The following ADAMTS17 variants were observed in gnomAD, a reference collection of about 807,000 sequenced individuals.
ADAMTS17 encodes the protein A disintegrin and metalloproteinase with thrombospondin motifs 17.
A neutral mutation model predicts 141.5 loss-of-function variants in ADAMTS17; 113 were observed. The ratio of observed to expected loss-of-function variants is 0.80; its 90% confidence interval spans 0.69 to 0.93. ADAMTS17 has a LOEUF of 0.93. Ranked by LOEUF, ADAMTS17 falls within the 40% of genes least tolerant of loss-of-function variation. ADAMTS17 has a pLI of 0.00. For missense variants in ADAMTS17, 1,659 were observed against 1,517.9 expected (o/e 1.09, Z -1.54); for synonymous variants, 768 against 630.6 (o/e 1.22, Z -3.27).
intron 15 of ADAMTS17, among the ~76,000 whole-genome samples, chr15:100,079,418 A>G (rs2034588053): frequency 6.6e-6 from 1 of 152,228 alleles, no homozygotes; most frequent in African/African-American, 2.4e-5. Context: ...TGAAAATACT[A>G]TGCTAAGGGA....
At chr15:100,188,079 C>T (rs2040784536) in intron 8 of ADAMTS17, among the ~76,000 whole-genome samples, 1 of 147,614 alleles carries the variant, frequency 6.8e-6, no homozygotes, top group Non-Finnish European at 1.5e-5. Flanking sequence ...GCGAGGTCCT[C>T]TTTTTTTTTT....
intron 4 of ADAMTS17, among the ~76,000 whole-genome samples, chr15:100,278,664 G>C (rs990881436): frequency 6.6e-6 from 1 of 152,184 alleles, no homozygotes. Context: ...GCAGAGAGAG[G>C]CATGTCCCGA....
intron 7 of ADAMTS17, 31 bp downstream of exon 7, chr15:100,254,105 C>A (rs1223422995): frequency 2.5e-6 from 4 of 1,604,684 alleles, no homozygotes; most frequent in Non-Finnish European, 3.4e-6. Context: ...TGTATCAGCC[C>A]CTTAGATTAT....
chr15:100,114,672 C>G (rs1006118058), intron 13 of ADAMTS17, among the ~76,000 whole-genome samples: 3 of 152,166 alleles, frequency 2.0e-5, no homozygotes, highest in Non-Finnish European at 4.4e-5. Flanking sequence ...GGCGGTGGCA[C>G]TCTAGTGACA....
At chr15:100,045,082 C>T (rs1268884610) in intron 18 of ADAMTS17, among the ~76,000 whole-genome samples, 1 of 152,108 alleles carries the variant, frequency 6.6e-6, no homozygotes, top group Admixed American at 6.6e-5. Flanking sequence ...GGTGGGATTA[C>T]AGGTATGAGC....
intron 15 of ADAMTS17, among the ~76,000 whole-genome samples, chr15:100,091,236 C>A (rs1023527407): frequency 1.3e-5 from 2 of 151,828 alleles, no homozygotes; most frequent in East Asian, 1.9e-4. Context: ...AGGCCAGATA[C>A]CCCCGATGTG....
chr15:100,067,000 T>C (rs1314142048), intron 15 of ADAMTS17, among the ~76,000 whole-genome samples: 2 of 112,892 alleles, frequency 1.8e-5, no homozygotes, highest in African/African-American at 6.0e-5. Context: ...TCTTCCCTTA[T>C]GATATTGAGA....
At chr15:100,086,765 C>A (rs1249098962) in intron 15 of ADAMTS17, among the ~76,000 whole-genome samples, 1 of 148,676 alleles carries the variant, frequency 6.7e-6, no homozygotes, top group Non-Finnish European at 1.5e-5. Context: ...AAAATGAAGG[C>A]AGAAATAAAG....
chr15:100,310,394 T>C (rs2045365432), intron 3 of ADAMTS17, among the ~76,000 whole-genome samples: 1 of 152,262 alleles, frequency 6.6e-6, no homozygotes, highest in Admixed American at 6.5e-5. Context: ...TGTGTTGTAT[T>C]TCTTTAAATA....
intron 8 of ADAMTS17, among the ~76,000 whole-genome samples, chr15:100,170,014 G>A (rs2040100577): frequency 6.6e-6 from 1 of 152,018 alleles, no homozygotes; most frequent in African/African-American, 2.4e-5. Flanking sequence ...GTACAGGTCC[G>A]AGACATTACC....
intron 15 of ADAMTS17, among the ~76,000 whole-genome samples, chr15:100,085,290 A>G (rs1464478701): frequency 6.6e-6 from 1 of 151,724 alleles, no homozygotes; most frequent in Non-Finnish European, 1.5e-5. Context: ...AGAAGTTTAG[A>G]GAAAAAAGAA....
intron 15 of ADAMTS17, among the ~76,000 whole-genome samples, chr15:100,082,597 A>AG (rs939467504): frequency 1.3e-5 from 2 of 151,888 alleles, no homozygotes; most frequent in Admixed American, 1.3e-4. Context: ...CATGTTGCTC[A>AG]GGCTGGTCTG....
Position 100,096,424 on chromosome 15 carries a change from C to G in ADAMTS17, c.2069G>C (p.Gly690Ala). 6.2e-7 allele frequency: 1 copy of G among 1,614,186 alleles called. No homozygotes were observed. Among genetic ancestry groups the G allele is most frequent in the Non-Finnish European group, 8.5e-7 (1 of 1,180,046 alleles). ...GGTCTTGCCGTCCCCGCTGCAGACC[C>G]CGCATCTGTCCTCTTTGGCTGCAGA... ...IGSAAKEDRC[G>A]VCSGDGKTCH... Residue 690 changes from glycine (G) to alanine (A), a missense_variant, in exon 15 of 22, where the codon GGG (glycine) becomes GCG (alanine). Physicochemically the swap from Gly to Ala is moderately conservative, Grantham distance 60. Transcript: ENST00000268070.
At chr15:100,087,135 A>G (rs1276348188) in intron 15 of ADAMTS17, among the ~76,000 whole-genome samples, 4 of 152,166 alleles carry the variant, frequency 2.6e-5, no homozygotes, top group African/African-American at 4.8e-5. Context: ...TCAAATAGAC[A>G]CAATACAAAA....
At chr15:100,219,634 C>T (rs1343217924) in intron 7 of ADAMTS17, among the ~76,000 whole-genome samples, 1 of 152,192 alleles carries the variant, frequency 6.6e-6, no homozygotes, top group African/African-American at 2.4e-5. Flanking sequence ...TGGAATTTCA[C>T]CTTCTAGTTG....
intron 7 of ADAMTS17, among the ~76,000 whole-genome samples, chr15:100,210,816 A>C (rs1001619674): frequency 1.3e-5 from 2 of 152,022 alleles, no homozygotes; most frequent in African/African-American, 4.8e-5. Flanking sequence ...AAAATACAAA[A>C]ATTGGCCGGG....
chr15:100,127,477 T>C (rs548718122), intron 12 of ADAMTS17, among the ~76,000 whole-genome samples: 2 of 152,326 alleles, frequency 1.3e-5, no homozygotes, highest in African/African-American at 4.8e-5. Context: ...CACCTTGATT[T>C]TGGACTTCTG....
At chr15:100,210,650 A>T (rs1181022269) in intron 7 of ADAMTS17, among the ~76,000 whole-genome samples, 1 of 152,224 alleles carries the variant, frequency 6.6e-6, no homozygotes, top group Non-Finnish European at 1.5e-5. Context: ...TGAAAATTCT[A>T]ATCAGTCACC....
chr15:100,152,831 T>TTC, intron 9 of ADAMTS17, 69 bp from the exon 10 acceptor site: 5 of 1,581,560 alleles, frequency 3.2e-6, no homozygotes, highest in Non-Finnish European at 4.3e-6. Flanking sequence ...CTTTTTCTTT[T>TTC]TTTTTTTGAG....
Sources: gnomAD v4.1 joint callset for allele counts (sites outside exome capture counted in the v4.1 genomes callset) on GRCh38, gnomAD v4.1.1 for gene constraint, MANE v1.5 for transcripts, NCBI Gene and HGNC (gene_info 2026-07-23, HGNC 2026-07-21) for gene names.